The following STAT4 variants were observed in gnomAD, a reference collection of about 807,000 sequenced individuals.
The protein encoded by STAT4 is signal transducer and activator of transcription 4.
STAT4 carries 42 observed loss-of-function variants against 110.5 expected under a neutral mutation model. The observed-to-expected ratio is 0.38, with a 90% CI of 0.30 to 0.49. The LOEUF is 0.49. STAT4 is among the 20% of genes least tolerant of loss of function. The pLI, the probability that STAT4 is intolerant of heterozygous loss-of-function variation, is 0.95. For missense variants in STAT4, 632 were observed against 887.9 expected, an observed-to-expected ratio of 0.71 and a Z score of 3.66; for synonymous variants, 284 against 302.2, an observed-to-expected ratio of 0.94 and a Z score of 0.63.
At chr2:191,094,478 C>T (rs1697901777) in intron 3 of STAT4, among the ~76,000 whole-genome samples, 1 of 152,140 alleles carries the variant, frequency 6.6e-6, no homozygotes, top group South Asian at 2.1e-4. Flanking sequence ...AATTTCATAT[C>T]CAGCCAAACT....
At position 191,069,723 on chromosome 2, in the gene STAT4, C is replaced by G; in HGVS notation, c.514G>C (p.Asp172His). Reference protein sequence around the residue: ...KYLEDLQDEFDYRYKTIQTMD... With the variant: ...KYLEDLQDEFHYRYKTIQTMD... ...GTCTGAATTGTTTTATACCTGTAGTCAAATTCGTCTTGCAGATCTTCTAAG... is the reference window on the plus strand; with the variant it reads ...GTCTGAATTGTTTTATACCTGTAGTGAAATTCGTCTTGCAGATCTTCTAAG... The change falls in exon 6 of 24, where the codon GAC (aspartate) becomes CAC (histidine). Residue 172 changes from aspartate (D) to histidine (H), a missense_variant. Around this residue, in one of 4 missense-constraint regions of STAT4, gnomAD observed 488 missense variants for 632.8 expected, o/e 0.77. Coordinates refer to ENST00000392320, the MANE Select transcript of STAT4 (RefSeq NM_003151.4). 6.2e-7 allele frequency: 1 copy of G among 1,609,774 alleles called. No individual in the cohort carries two copies. The highest frequency in any genetic ancestry group is 1.1e-5 in the South Asian group (1 of 90,130).
intron 3 of STAT4, among the ~76,000 whole-genome samples, chr2:191,080,780 C>T (rs1256310677): frequency 6.6e-6 from 1 of 152,120 alleles, no homozygotes; most frequent in South Asian, 2.1e-4. Context: ...TCTAATCAGT[C>T]GTCTGTCACC....
Position 191,150,834 on chromosome 2 carries a change from TAAAA to T in STAT4, c.-2+109_-2+112del, listed in dbSNP as rs1468039071. On this transcript the variant is annotated intron_variant, in intron 1 of 23. Transcript: ENST00000392320. This position sits in a 1 kb window ranked among gnomAD's most constrained non-coding sequence, Gnocchi z 6.4. Reference sequence around the variant, plus strand: ...CTATAATAAGCCTCCTCAGGAAGGTTAAAATGAAGCAATTGTCAAAACGCCAAGG... The same window carrying T: ...CTATAATAAGCCTCCTCAGGAAGGTTTGAAGCAATTGTCAAAACGCCAAGG... 2.5e-5 allele frequency: 22 copies of T among 882,756 alleles called. No individual in the cohort carries two copies. The highest frequency in any genetic ancestry group is 3.0e-5 in the Non-Finnish European group (22 of 736,464). 54.7% of individuals were successfully genotyped at this position (882,756 alleles called of 1,614,324 possible).
At chr2:191,047,700 C>G (rs572605073) in intron 14 of STAT4, among the ~76,000 whole-genome samples, 2 of 152,296 alleles carry the variant, frequency 1.3e-5, no homozygotes, top group South Asian at 4.1e-4. Context: ...GAGTCTTGCT[C>G]TGTCACCCAG....
rs1241196387 is a variant in STAT4 at position 191,107,577 on chromosome 2, C to T, written c.274-31252G>A. On this transcript the variant is annotated intron_variant, in intron 3 of 23. Coordinates refer to ENST00000392320, the MANE Select transcript of STAT4 (RefSeq NM_003151.4). The surrounding 1 kb of genome is among the most constrained non-coding windows in gnomAD (Gnocchi z 4.2). The stretch of plus-strand genomic sequence containing the variant: ...TAAATCTGAGGCAGGGTTTTAACCC[C>T]AGGTATCTGATCTGCAGACCCATGT... Among the ~76,000 whole-genome samples, 1 of 152,178 alleles carries T rather than the reference C, an allele frequency of 6.6e-6. No homozygotes were observed. Among genetic ancestry groups the T allele is most frequent in the African/African-American group, 2.4e-5 (1 of 41,426 alleles).
chr2:191,141,383 TG>T (rs1011952089), intron 3 of STAT4, among the ~76,000 whole-genome samples: 4 of 148,102 alleles, frequency 2.7e-5, no homozygotes, highest in Non-Finnish European at 4.4e-5. Flanking sequence ...TATACATACA[TG>T]TATATATATA....
At chr2:191,044,644 G>A (rs1229791930) in intron 14 of STAT4, among the ~76,000 whole-genome samples, 2 of 152,028 alleles carry the variant, frequency 1.3e-5, no homozygotes, top group South Asian at 2.1e-4. Context: ...AAAAACAAAC[G>A]AACAAAACAA....
chr2:191,067,568 C>A (rs2125244713), intron 6 of STAT4, among the ~76,000 whole-genome samples: 1 of 152,298 alleles, frequency 6.6e-6, no homozygotes, highest in East Asian at 1.9e-4. Context: ...TGGGTCCATT[C>A]ATTAACTTTA....
Position 191,117,630 on chromosome 2 carries a change from G to C in STAT4, c.273+28983C>G, listed in dbSNP as rs951577666. Among the ~76,000 whole-genome samples, 14 of 152,198 alleles carry C rather than the reference G, an allele frequency of 9.2e-5. No individual in the cohort carries two copies. Among genetic ancestry groups the C allele is most frequent in the African/African-American group, 3.1e-4 (13 of 41,450 alleles). ...TAGAGAAGGACATGGGCTGCAACTT[G>C]AAGGATGGTTGGGGGAGTAGGAAAT... On this transcript the variant is annotated intron_variant, in intron 3 of 23. Transcript: ENST00000392320. The surrounding 1 kb of genome is among the most constrained non-coding windows in gnomAD (Gnocchi z 5.2).
chr2:191,127,434 T>C (rs6715714), intron 3 of STAT4, among the ~76,000 whole-genome samples: 97,912 of 152,094 alleles, frequency 0.64, 31,882 homozygotes, highest in South Asian at 0.78. Flanking sequence ...AACCAACCCA[T>C]GTGTTTCTAA....
chr2:191,048,827 A>G (rs1696433887), intron 14 of STAT4, among the ~76,000 whole-genome samples: 1 of 143,606 alleles, frequency 7.0e-6, no homozygotes, highest in African/African-American at 2.5e-5. Context: ...AAGATGCACC[A>G]TTAATGTTTG....
intron 3 of STAT4, among the ~76,000 whole-genome samples, chr2:191,108,780 C>A (rs1698348408): frequency 6.6e-6 from 1 of 152,160 alleles, no homozygotes; most frequent in South Asian, 2.1e-4. Context: ...AGGTCAGAGC[C>A]AAAATAAGTG....
chr2:191,074,551 C>G (rs1165771375), intron 4 of STAT4, among the ~76,000 whole-genome samples: 5 of 152,082 alleles, frequency 3.3e-5, no homozygotes, highest in Non-Finnish European at 5.9e-5. Context: ...TGACTGATAT[C>G]TGACATTGGA....
At chr2:191,145,049 G>C (rs1418492019) in intron 3 of STAT4, among the ~76,000 whole-genome samples, 1 of 152,004 alleles carries the variant, frequency 6.6e-6, no homozygotes, top group African/African-American at 2.4e-5. Context: ...CTAAGAGTTA[G>C]CAAACTTTCC....
At position 191,150,790 on chromosome 2, in the gene STAT4, T is replaced by A. The variant is rs1413780744; in HGVS notation, c.-2+157A>T. ...CGTGCCAGGGCGCATCTGTGGGTCG[T>A]GGAGTCGGGCGCTTCCTTCTATAAT... On this transcript the variant is annotated intron_variant, in intron 1 of 23. Coordinates refer to ENST00000392320, the MANE Select transcript of STAT4 (RefSeq NM_003151.4). This position sits in a 1 kb window ranked among gnomAD's most constrained non-coding sequence, Gnocchi z 6.4. Among the ~76,000 whole-genome samples the A allele has an allele frequency of 6.6e-6, 1 of 152,204 alleles. No homozygotes were observed. Among genetic ancestry groups the A allele is most frequent in the East Asian group, 1.9e-4 (1 of 5,192 alleles).
At position 191,050,153 on chromosome 2, in the gene STAT4, T is replaced by C. The variant is rs189207879; in HGVS notation, c.1251+4337A>G. ...CTGTCATTTATCAGTTAAAGCCCAC[T>C]GACAAAGAGCAAACTGGAGAAACTG... On this transcript the variant is annotated intron_variant, in intron 14 of 23. Transcript: ENST00000392320. The surrounding 1 kb of genome is among the most constrained non-coding windows in gnomAD (Gnocchi z 4.3). 6.6e-6 allele frequency among the ~76,000 whole-genome samples: 1 copy of C among 152,356 alleles called. No individual in the cohort carries two copies. The highest frequency in any genetic ancestry group is 6.5e-5 in the Admixed American group (1 of 15,304).
At chr2:191,123,256 C>G (rs1026737854) in intron 3 of STAT4, among the ~76,000 whole-genome samples, 1 of 152,192 alleles carries the variant, frequency 6.6e-6, no homozygotes, top group East Asian at 1.9e-4. Flanking sequence ...GAGCTCCTGA[C>G]TTAGCTCCTG....
chr2:191,137,715 A>G (rs956436422), intron 3 of STAT4, among the ~76,000 whole-genome samples: 21 of 152,184 alleles, frequency 1.4e-4, no homozygotes, highest in African/African-American at 3.4e-4. Flanking sequence ...ATAAATCCAC[A>G]TATTTACAGC....
At chr2:191,151,044 G>A, upstream of STAT4, 1 of 985,628 alleles carries the variant, frequency 1.0e-6, no homozygotes, top group Non-Finnish European at 1.2e-6. The surrounding 1 kb of genome is among the most constrained non-coding windows in gnomAD (Gnocchi z 4.7). Context: ...GCCATCATCA[G>A]TAGGGGATTT....
Sources: gnomAD v4.1 joint callset for allele counts (sites outside exome capture counted in the v4.1 genomes callset) on GRCh38, gnomAD v4.1.1 for gene constraint, gnomAD v4.1.1 regional missense constraint, Gnocchi (gnomAD v3.1) non-coding constraint, MANE v1.5 for transcripts, NCBI Gene and HGNC (gene_info 2026-07-23, HGNC 2026-07-21) for gene names.